The following DNAH12 variants were observed in gnomAD, a reference collection of about 807,000 sequenced individuals.
DNAH12 encodes the protein dynein axonemal heavy chain 12.
Under a neutral mutation model 371.5 loss-of-function variants are expected in DNAH12, and 285 were observed. That is an observed-to-expected ratio of 0.77 (90% CI 0.70 to 0.85). The LOEUF (loss-of-function observed/expected upper bound fraction) is 0.85. Ranked by LOEUF, DNAH12 falls within the 40% of genes least tolerant of loss-of-function variation. The pLI, the probability that DNAH12 is intolerant of heterozygous loss-of-function variation, is 0.00. For synonymous variants in DNAH12, 1,200 were observed against 1,213.0 expected, an observed-to-expected ratio of 0.99 and a Z score of 0.22; for missense variants, 3,611 against 3,689.4, an observed-to-expected ratio of 0.98 and a Z score of 0.55.
At chr3:57,406,063 G>A (rs1358413434) in intron 40 of DNAH12, 111 bp from the exon 41 acceptor site, 2 of 1,211,334 alleles carry the variant, frequency 1.7e-6, no homozygotes, top group African/African-American at 1.5e-5. Flanking sequence ...AGATTATATG[G>A]GCTTGGGCTG....
At chr3:57,523,989 A>G (rs2068544596) in intron 2 of DNAH12, 105 bp from the exon 3 acceptor site, 1 of 711,308 alleles carries the variant, frequency 1.4e-6, no homozygotes, top group African/African-American at 1.8e-5. Context: ...GATATTCAAG[A>G]GTTATCTTAC....
At chr3:57,468,591 A>C (rs1452400617) in intron 17 of DNAH12, 145 bp downstream of exon 17, 1 of 464,716 alleles carries the variant, frequency 2.2e-6, no homozygotes, top group Non-Finnish European at 3.3e-6. Context: ...TGGGAAATAG[A>C]GCAAGACCCT....
chr3:57,425,482 C>T (rs1181458152), intron 34 of DNAH12, among the ~76,000 whole-genome samples: 1 of 151,990 alleles, frequency 6.6e-6, no homozygotes, highest in Admixed American at 6.6e-5. Context: ...CAGCTCAGTG[C>T]AGCCTCAACC....
chr3:57,370,912 G>T (rs1156934831), intron 55 of DNAH12, among the ~76,000 whole-genome samples: 1 of 152,090 alleles, frequency 6.6e-6, no homozygotes, highest in Non-Finnish European at 1.5e-5. Context: ...ACTCACAAAA[G>T]GCTTAATGAA....
chr3:57,490,998 C>T (rs1163294992), intron 11 of DNAH12, among the ~76,000 whole-genome samples: 1 of 144,802 alleles, frequency 6.9e-6, no homozygotes, highest in East Asian at 2.1e-4. Context: ...CTGAGAATCG[C>T]TTGAACCTGA....
intron 69 of DNAH12, among the ~76,000 whole-genome samples, chr3:57,306,690 C>T (rs2061479058): frequency 2.0e-5 from 3 of 152,178 alleles, no homozygotes; most frequent in South Asian, 2.1e-4. Context: ...CCACAGCACA[C>T]TTTAAGAGGA....
intron 11 of DNAH12, among the ~76,000 whole-genome samples, chr3:57,494,446 C>G (rs2067239188): frequency 6.6e-6 from 1 of 151,810 alleles, no homozygotes; most frequent in African/African-American, 2.4e-5. Flanking sequence ...CCTGTAGTCC[C>G]AGGTAATTGG....
chr3:57,489,719 A>C (rs779791239), intron 11 of DNAH12, 32 bp from the exon 12 acceptor site: 2 of 1,461,424 alleles, frequency 1.4e-6, no homozygotes, highest in Non-Finnish European at 9.1e-7. Context: ...GAAAAAAAAA[A>C]TGTTTAGAAC....
In DNAH12 at chr3:57,445,360, G is replaced by A. The variant is rs566151555; in HGVS notation, c.4239C>T (p.Ser1413=). The A allele has an allele frequency of 5.2e-6, 8 of 1,551,316 alleles. No individual in the cohort carries two copies. Among genetic ancestry groups the A allele is most frequent in the African/African-American group, 1.4e-5 (1 of 73,018 alleles). The change falls in exon 28 of 74, where the codon TCC becomes TCT. Residue 1413 remains serine, a synonymous_variant. Coordinates refer to ENST00000495027, the MANE Select transcript of DNAH12 (RefSeq NM_001366028.2). The stretch of plus-strand genomic sequence containing the variant: ...CATTCAAAAATCCGTAAGAGTAGAG[G>A]GAGATTTCTGCTATAAGCGCATAGT... ...VPNYALIAEI[S]LYSYGFLNAR... is the part of the protein sequence containing the mutation.
At chr3:57,302,795 C>T (rs1328168978) in intron 69 of DNAH12, among the ~76,000 whole-genome samples, 12 of 148,170 alleles carry the variant, frequency 8.1e-5, no homozygotes, top group Non-Finnish European at 1.2e-4. Context: ...AGGCTGGTCT[C>T]GAACTCCTGA....
upstream of DNAH12, among the ~76,000 whole-genome samples, chr3:57,547,737 T>G (rs201350147): frequency 1.3e-5 from 2 of 152,184 alleles, no homozygotes; most frequent in East Asian, 3.8e-4. Flanking sequence ...AAGCAACGTT[T>G]CAAGCAAAAA....
intron 16 of DNAH12, among the ~76,000 whole-genome samples, chr3:57,469,596 G>A (rs1364888483): frequency 6.6e-6 from 1 of 152,132 alleles, no homozygotes; most frequent in Non-Finnish European, 1.5e-5. Context: ...CCCATCAACA[G>A]TGGATTGAAT....
intron 17 of DNAH12, among the ~76,000 whole-genome samples, chr3:57,467,149 G>A (rs1003202330): frequency 2.0e-5 from 3 of 151,844 alleles, no homozygotes; most frequent in African/African-American, 4.8e-5. Context: ...TTGGAGTCTC[G>A]CTCTATTGCC....
intron 2 of DNAH12, among the ~76,000 whole-genome samples, chr3:57,526,803 G>T (rs1424865181): frequency 6.6e-6 from 1 of 151,872 alleles, no homozygotes; most frequent in Admixed American, 6.6e-5. Context: ...GATTATAGGC[G>T]TGAGCACTGC....
intron 34 of DNAH12, among the ~76,000 whole-genome samples, chr3:57,426,875 T>C (rs899989643): frequency 1.3e-5 from 2 of 151,114 alleles, no homozygotes; most frequent in African/African-American, 4.9e-5. Flanking sequence ...GAAAGAACTA[T>C]GAGAAGAAAA....
At chr3:57,501,711 T>C (rs1166581789) in intron 10 of DNAH12, among the ~76,000 whole-genome samples, 1 of 152,126 alleles carries the variant, frequency 6.6e-6, no homozygotes, top group Non-Finnish European at 1.5e-5. Context: ...TAACCATACA[T>C]CCTGACCTCA....
At chr3:57,480,895 A>C (rs1178164095) in intron 13 of DNAH12, among the ~76,000 whole-genome samples, 1 of 152,214 alleles carries the variant, frequency 6.6e-6, no homozygotes, top group Non-Finnish European at 1.5e-5. Context: ...ACTCTCAATA[A>C]ATTAGGTATT....
At chr3:57,389,854 T>G (rs991488995) in intron 45 of DNAH12, among the ~76,000 whole-genome samples, 1 of 89,582 alleles carries the variant, frequency 1.1e-5, no homozygotes, top group Non-Finnish European at 2.8e-5. Flanking sequence ...CTTTTTTTTT[T>G]GAAATGGAGT....
chr3:57,369,151 T>C lies in DNAH12; in HGVS notation c.8760-891A>G, dbSNP rs946053863. On this transcript the variant is annotated intron_variant, in intron 55 of 73. Coordinates refer to ENST00000495027, the MANE Select transcript of DNAH12 (RefSeq NM_001366028.2). ...AGGAGAATCGCTTAAACCCGGGAGG[T>C]AGAGATTGCAGTGAGCTAAGATTGC... 3.5e-3 allele frequency among the ~76,000 whole-genome samples: 524 copies of C among 148,682 alleles called. 1 individual carries two copies. The highest frequency in any genetic ancestry group is 0.012 in the African/African-American group (498 of 40,276).
Sources: allele counts gnomAD v4.1 joint callset (sites outside exome capture counted in the v4.1 genomes callset), GRCh38; gene constraint gnomAD v4.1.1; transcripts MANE v1.5; gene names NCBI Gene and HGNC (gene_info 2026-07-23, HGNC 2026-07-21).